VPS11: variants seen among roughly 807,000 people sequenced by gnomAD.
VPS11 encodes the protein VPS11 core subunit of CORVET and HOPS complexes.
A neutral mutation model predicts 106.8 loss-of-function variants in VPS11; 51 were observed. The observed-to-expected ratio is 0.48, with a 90% CI of 0.38 to 0.60. The LOEUF is 0.60. VPS11 is among the 20% of genes least tolerant of loss of function. The pLI, the probability that VPS11 is intolerant of heterozygous loss-of-function variation, is 0.00. For synonymous variants in VPS11, 453 were observed against 458.7 expected, an observed-to-expected ratio of 0.99 and a Z score of 0.16; for missense variants, 950 against 1,190.0, an observed-to-expected ratio of 0.80 and a Z score of 2.97.
intron 4 of VPS11, 111 bp from the exon 5 acceptor site, chr11:119,071,485 T>C (rs1469100015): frequency 3.5e-5 from 49 of 1,396,180 alleles, no homozygotes; most frequent in Non-Finnish European, 1.5e-5. Flanking sequence ...GAGAAAGACT[T>C]TAGAATGCCA....
In VPS11 at chr11:119,069,290, G is replaced by A; in HGVS notation, c.282G>A (p.Lys94=). Residue 94 remains lysine, a synonymous_variant, in exon 2 of 16, where the codon AAG becomes AAA. Transcript: ENST00000621676. ...KLRVTHLYQL[K]QHNILASVGE... ...GGGTGACACACCTGTACCAACTGAA[G>A]CAGCACAATATTCTGGCATCTGTTG... is the stretch of plus-strand genomic sequence containing the variant. 6.2e-7 allele frequency: 1 copy of A among 1,613,970 alleles called. No individual in the cohort carries two copies.
chr11:119,077,053 G>A lies in VPS11; in HGVS notation c.1395G>A (p.Lys465=). Residue 465 remains lysine, a synonymous_variant, in exon 8 of 16, where the codon AAG becomes AAA. Transcript: ENST00000621676. ...TCCTCAACTGCTATACCAAGCTCAAGGACAGCTCGAAGCTGGAGGAGTTCA... is the reference window on the plus strand; with the variant it reads ...TCCTCAACTGCTATACCAAGCTCAAAGACAGCTCGAAGCTGGAGGAGTTCA... The part of the protein sequence containing the change: ...TLLLNCYTKL[K]DSSKLEEFIK... The A allele has an allele frequency of 6.2e-7, 1 of 1,613,414 alleles. No homozygotes were observed. The highest frequency in any genetic ancestry group is 8.5e-7 in the Non-Finnish European group (1 of 1,179,628).
In VPS11 at chr11:119,081,760, A is replaced by T. The variant is rs1458494976; in HGVS notation, c.*137A>T. The T allele has an allele frequency of 1.5e-5, 18 of 1,201,132 alleles. No individual in the cohort carries two copies. The highest frequency in any genetic ancestry group is 2.0e-5 in the Non-Finnish European group (18 of 878,372). The allele number at this position is 1,201,132 out of a possible 1,614,324, so 74.4% of individuals were successfully genotyped here. ...ATCTAATGTCACAGCCCTCAGAACT[A>T]AAGCGGACTTTCTTTCCCTGCCTTC... On this transcript the variant is annotated 3_prime_UTR_variant, in exon 16 of 16. Transcript: ENST00000621676.
At position 119,077,514 on chromosome 11, in the gene VPS11, G is replaced by C; in HGVS notation, c.1439G>C (p.Ser480Thr). ...TCTCCCTGGCAGAAAAAGAGTGAGA[G>C]TGAAGTCCACTTTGATGTGGAGACA... The part of the protein sequence containing the change: ...LEEFIKKKSE[S>T]EVHFDVETAI... The change falls in exon 9 of 16, where the codon AGT (serine) becomes ACT (threonine). Residue 480 changes from serine to threonine, a missense_variant. By Grantham distance (58) the Ser-to-Thr change is moderately conservative. Around this residue, in one of 3 missense-constraint regions of VPS11, gnomAD observed 435 missense variants for 630.2 expected, o/e 0.69. Coordinates refer to ENST00000621676, the MANE Select transcript of VPS11 (RefSeq NM_021729.6). 1 of 1,613,896 alleles carries C rather than the reference G, an allele frequency of 6.2e-7. No homozygotes were observed. Among genetic ancestry groups the C allele is most frequent in the Non-Finnish European group, 8.5e-7 (1 of 1,179,820 alleles).
intron 14 of VPS11, among the ~76,000 whole-genome samples, chr11:119,080,036 C>A (rs1020443131): frequency 6.6e-6 from 1 of 152,150 alleles, no homozygotes; most frequent in Non-Finnish European, 1.5e-5. Flanking sequence ...AAGAGACAGA[C>A]AGCAAACATG....
In VPS11 at chr11:119,079,958, T is replaced by C. The variant is rs191682566; in HGVS notation, c.2438+658T>C. ...TTCTTCATTCTACAAATATTGAGCC[T>C]CTGTGGTGTCCCAGACACTATTCTG... On this transcript the variant is annotated intron_variant, in intron 14 of 15. Coordinates refer to ENST00000621676, the MANE Select transcript of VPS11 (RefSeq NM_021729.6). Among the ~76,000 whole-genome samples the C allele has an allele frequency of 2.6e-3, 394 of 152,350 alleles. 2 individuals are homozygous for C. Among genetic ancestry groups the C allele is most frequent in the African/African-American group, 9.0e-3 (373 of 41,584 alleles).
At chr11:119,077,320 C>T (rs1357102925) in intron 8 of VPS11, among the ~76,000 whole-genome samples, 181 bp from the exon 9 acceptor site, 1 of 152,170 alleles carries the variant, frequency 6.6e-6, no homozygotes, top group Admixed American at 6.5e-5. Context: ...TAGCGGTGTC[C>T]CTCTAATGGT....
intron 7 of VPS11, among the ~76,000 whole-genome samples, chr11:119,074,603 C>T (rs530101566): frequency 6.0e-4 from 92 of 152,246 alleles, no homozygotes; most frequent in Non-Finnish European, 1.1e-3. Context: ...CGGGGTTTCA[C>T]CACGTTCTCT....
Position 119,069,588 on chromosome 11 carries a change from G to A in VPS11, c.472+11G>A. On this transcript the variant is annotated intron_variant, in intron 3 of 15. Transcript: ENST00000621676. ...ACTTTATGGCCATTGGTAAACAGAA[G>A]GCAAAACTAACCCTCCTAGATTTGT... 6.2e-7 allele frequency: 1 copy of A among 1,613,952 alleles called. No individual in the cohort carries two copies. The highest frequency in any genetic ancestry group is 1.1e-5 in the South Asian group (1 of 91,082).
chr11:119,075,192 C>G (rs766616257), intron 7 of VPS11, among the ~76,000 whole-genome samples: 6 of 151,506 alleles, frequency 4.0e-5, no homozygotes, highest in Non-Finnish European at 5.9e-5. Context: ...GCCTGAACCC[C>G]AGAGGCGGAG....
At chr11:119,068,741 C>T (rs117585396) in intron 1 of VPS11, among the ~76,000 whole-genome samples, 2,311 of 145,572 alleles carry the variant, frequency 0.016, 37 homozygotes, top group Non-Finnish European at 0.022. Context: ...CCATCGCGCC[C>T]GGCGCACTAA....
At chr11:119,069,969 G>T (rs1263602380) in intron 3 of VPS11, among the ~76,000 whole-genome samples, 2 of 130,598 alleles carry the variant, frequency 1.5e-5, no homozygotes, top group African/African-American at 5.7e-5. Flanking sequence ...TTGCACTGTA[G>T]CCTGGGCAAC....
chr11:119,071,850 A>G lies in VPS11; in HGVS notation c.884+7A>G. The G allele has an allele frequency of 1.9e-6, 3 of 1,609,990 alleles. No individual in the cohort carries two copies. The highest frequency in any genetic ancestry group is 2.5e-6 in the Non-Finnish European group (3 of 1,176,666). On this transcript the variant is annotated splice_region_variant and intron_variant, in intron 5 of 15. Transcript: ENST00000621676. The stretch of plus-strand genomic sequence containing the variant: ...ACCGGAAGGTTTCTCCCAAGTAAGG[A>G]CTCAGTGAGAAGGGACAGGGAGAGG...
intron 14 of VPS11, 89 bp from the exon 15 acceptor site, chr11:119,081,003 C>T (rs1385078615): frequency 6.6e-6 from 8 of 1,208,100 alleles, no homozygotes; most frequent in Non-Finnish European, 9.7e-6. Context: ...GGACCTTGCC[C>T]TGTGCACTTC....
intron 10 of VPS11, 21 bp from the exon 11 acceptor site, chr11:119,078,152 T>A (rs1478027269): frequency 6.2e-7 from 1 of 1,611,840 alleles, no homozygotes; most frequent in Non-Finnish European, 8.5e-7. Flanking sequence ...CAGCCTCCTT[T>A]TTCCTCTCTT....
In VPS11 at chr11:119,078,286, AC is replaced by A. The variant is rs1406734226; in HGVS notation, c.1876del (p.Leu626SerfsTer29). 1 of 1,612,636 alleles carries A rather than the reference AC, an allele frequency of 6.2e-7. No individual in the cohort carries two copies. Among genetic ancestry groups the A allele is most frequent in the African/African-American group, 1.3e-5 (1 of 74,726 alleles). On this transcript the variant is annotated frameshift_variant, in exon 11 of 16. Coordinates refer to ENST00000621676, the MANE Select transcript of VPS11 (RefSeq NM_021729.6). LOFTEE classifies it high-confidence loss of function. Reference sequence around the variant, plus strand: ...ACTCACCCCAGGGGATCTACGACACACTCCTTGAGCTGCGACTGCAGAACTG... The same window carrying A: ...ACTCACCCCAGGGGATCTACGACACATCCTTGAGCTGCGACTGCAGAACTG... ...PDSPQGIYDTLLELRLQNWAH... is the reference protein window; with the variant it reads ...PDSPQGIYDTXLELRLQNWAH...
rs1223777291 is a variant in VPS11, at chr11:119,081,240, G to GA, written c.2591dup (p.Asn864LysfsTer19). The GA allele has an allele frequency of 6.2e-7, 1 of 1,613,978 alleles. No homozygotes were observed. On this transcript the variant is annotated frameshift_variant, in exon 15 of 16. Coordinates refer to ENST00000621676, the MANE Select transcript of VPS11 (RefSeq NM_021729.6). LOFTEE classifies it high-confidence loss of function. ...TGCTGACTGCCCCACCTGCCTCCCT[G>GA]AAAACCGGAAGGTCATGGATATGAT...
In VPS11 at chr11:119,069,264, C is replaced by A; in HGVS notation, c.256C>A (p.Arg86=). The A allele has an allele frequency of 6.2e-7, 1 of 1,613,962 alleles. No individual in the cohort carries two copies. Among genetic ancestry groups the A allele is most frequent in the African/African-American group, 1.3e-5 (1 of 75,020 alleles). The change falls in exon 2 of 16, where the codon CGG becomes AGG. Residue 86 remains arginine (R), a synonymous_variant. Coordinates refer to ENST00000621676, the MANE Select transcript of VPS11 (RefSeq NM_021729.6). The part of the protein sequence containing the change: ...QLTGFQAYKL[R]VTHLYQLKQH... ...TACAGGCTTCCAAGCCTACAAACTA[C>A]GGGTGACACACCTGTACCAACTGAA...
At chr11:119,068,225 G>A (rs1412376954) in intron 1 of VPS11, 12 of 468,016 alleles carry the variant, frequency 2.6e-5, no homozygotes. Flanking sequence ...ACCTCTCTGG[G>A]TTTTAATTTC....
Sources: gnomAD v4.1 joint callset for allele counts (sites outside exome capture counted in the v4.1 genomes callset) on GRCh38, gnomAD v4.1.1 for gene constraint, gnomAD v4.1.1 regional missense constraint, MANE v1.5 for transcripts, NCBI Gene and HGNC (gene_info 2026-07-23, HGNC 2026-07-21) for gene names.